The following NAALADL2 variants were observed in gnomAD, a reference collection of about 807,000 sequenced individuals.
NAALADL2 encodes N-acetylated alpha-linked acidic dipeptidase like 2, also known as inactive N-acetylated-alpha-linked acidic dipeptidase-like protein 2.
Under a neutral mutation model 87.2 loss-of-function variants are expected in NAALADL2, and 76 were observed. The observed-to-expected ratio is 0.87, with a 90% CI of 0.72 to 1.05. The LOEUF is 1.05. Among genes scored for constraint, NAALADL2 ranks in the 50% least tolerant of loss-of-function variants. The pLI, the probability that NAALADL2 is intolerant of heterozygous loss-of-function variation, is 0.00. For synonymous variants in NAALADL2, 354 were observed against 331.0 expected, an observed-to-expected ratio of 1.07 and a Z score of -0.75; for missense variants, 1,089 against 945.8, an observed-to-expected ratio of 1.15 and a Z score of -1.99.
intron 1 of NAALADL2, among the ~76,000 whole-genome samples, chr3:175,062,114 T>C (rs1713629156): frequency 6.6e-6 from 1 of 152,162 alleles, no homozygotes; most frequent in Admixed American, 6.5e-5. Context: ...GGTGTTAACT[T>C]TGAATGAAGA....
At chr3:175,498,206 C>A (rs918441054) in intron 9 of NAALADL2, among the ~76,000 whole-genome samples, 1 of 151,842 alleles carries the variant, frequency 6.6e-6, no homozygotes, top group East Asian at 1.9e-4. Flanking sequence ...TAGAAAATAG[C>A]CTCAAAAGGA....
intron 4 of NAALADL2, among the ~76,000 whole-genome samples, chr3:175,312,586 G>C (rs192187938): frequency 7.2e-4 from 110 of 152,184 alleles, no homozygotes; most frequent in African/African-American, 2.6e-3. Context: ...GTTTGTAAAG[G>C]ATGGACGTAT....
chr3:175,041,435 T>C (rs905481124), intron 1 of NAALADL2, among the ~76,000 whole-genome samples: 5 of 152,146 alleles, frequency 3.3e-5, no homozygotes, highest in African/African-American at 1.2e-4. Flanking sequence ...GGTTATAAAC[T>C]ATACAAAGCT....
intron 11 of NAALADL2, among the ~76,000 whole-genome samples, chr3:175,705,975 C>T (rs534807356): frequency 7.9e-5 from 12 of 152,184 alleles, no homozygotes; most frequent in East Asian, 5.8e-4. Context: ...ATGGCATTTT[C>T]GGCTTAATCA....
At chr3:174,808,137 C>T (rs1003261271) in intron 3 of NAALADL2, among the ~76,000 whole-genome samples, 1 of 152,010 alleles carries the variant, frequency 6.6e-6, no homozygotes, top group East Asian at 1.9e-4. Context: ...ACTATTAAAT[C>T]ACACACAAAT....
At chr3:174,863,992 T>C in intron 1 of NAALADL2, 1 of 450,676 alleles carries the variant, frequency 2.2e-6, no homozygotes, top group Non-Finnish European at 4.5e-6. Flanking sequence ...GAGTTGAAAT[T>C]TCCAGAATCT....
At chr3:175,540,515 T>C (rs1327596614) in intron 9 of NAALADL2, among the ~76,000 whole-genome samples, 1 of 152,130 alleles carries the variant, frequency 6.6e-6, no homozygotes, top group African/African-American at 2.4e-5. Context: ...TTGTAGGGTT[T>C]TTAACTGGTG....
intron 2 of NAALADL2, among the ~76,000 whole-genome samples, chr3:175,223,448 AC>A (rs1418044851): frequency 6.6e-6 from 1 of 151,662 alleles, no homozygotes; most frequent in Non-Finnish European, 1.5e-5. Context: ...CCATATTGTT[AC>A]AAATGGCAAG....
intron 3 of NAALADL2, among the ~76,000 whole-genome samples, chr3:174,845,935 G>T (rs1324697429): frequency 6.6e-6 from 1 of 152,178 alleles, no homozygotes. Context: ...GCACCTGTGG[G>T]TCTAGTTTCA....
At chr3:175,424,902 G>C (rs1185909835) in intron 5 of NAALADL2, among the ~76,000 whole-genome samples, 1 of 152,116 alleles carries the variant, frequency 6.6e-6, no homozygotes, top group Non-Finnish European at 1.5e-5. Flanking sequence ...ATTTTAAATA[G>C]ACACCTGAGG....
chr3:175,230,230 A>G (rs1424877210), intron 2 of NAALADL2, among the ~76,000 whole-genome samples: 1 of 152,080 alleles, frequency 6.6e-6, no homozygotes, highest in African/African-American at 2.4e-5. Flanking sequence ...AGGAAAAAAA[A>G]TGAGAATAAC....
At chr3:175,722,299 A>G (rs1742345279) in intron 11 of NAALADL2, among the ~76,000 whole-genome samples, 1 of 152,226 alleles carries the variant, frequency 6.6e-6, no homozygotes, top group African/African-American at 2.4e-5. Context: ...TATTTAAGTT[A>G]TATATTTCAC....
chr3:175,688,973 C>A (rs1736685418), intron 11 of NAALADL2, among the ~76,000 whole-genome samples: 1 of 152,148 alleles, frequency 6.6e-6, no homozygotes, highest in Non-Finnish European at 1.5e-5. Flanking sequence ...CAGTTTTCTC[C>A]CTGAGGCCTG....
intron 9 of NAALADL2, among the ~76,000 whole-genome samples, chr3:175,551,979 T>C (rs1714463355): frequency 6.6e-6 from 1 of 152,092 alleles, no homozygotes; most frequent in Non-Finnish European, 1.5e-5. Flanking sequence ...ATATTCTGTT[T>C]GTGATAAATG....
Position 175,784,186 on chromosome 3 carries a change from C to T in NAALADL2, c.2190-18819C>T, listed in dbSNP as rs371069769. ...TCTCTTTTTTGGTTGTGTCTCTGCCCGGCTTTGGTATCAGAATGATGCTGG... is the reference window on the plus strand; with the variant it reads ...TCTCTTTTTTGGTTGTGTCTCTGCCTGGCTTTGGTATCAGAATGATGCTGG... On this transcript the variant is annotated intron_variant, in intron 13 of 13. Coordinates refer to ENST00000454872, the MANE Select transcript of NAALADL2 (RefSeq NM_207015.3). 1.7e-3 allele frequency among the ~76,000 whole-genome samples: 252 copies of T among 147,958 alleles called. 1 individual carries two copies. Among genetic ancestry groups the T allele is most frequent in the South Asian group, 6.2e-3 (29 of 4,682 alleles).
intron 9 of NAALADL2, among the ~76,000 whole-genome samples, chr3:175,530,764 A>G (rs1733989316): frequency 1.3e-5 from 2 of 152,174 alleles, no homozygotes; most frequent in Non-Finnish European, 2.9e-5. Flanking sequence ...TCCATCACGT[A>G]TATACCACTT....
intron 1 of NAALADL2, among the ~76,000 whole-genome samples, chr3:174,987,746 C>G (rs550008095): frequency 6.9e-6 from 1 of 144,626 alleles, no homozygotes; most frequent in Admixed American, 6.8e-5. Context: ...CCTCCCTCAG[C>G]CTTCTGAGTA....
intron 9 of NAALADL2, among the ~76,000 whole-genome samples, chr3:175,542,357 A>ACC (rs750775590): frequency 1.3e-5 from 2 of 151,988 alleles, no homozygotes; most frequent in African/African-American, 2.4e-5. Flanking sequence ...TCTAAAGAAA[A>ACC]CCCCCAAATT....
chr3:175,061,728 A>AATATATATATATATATATATATATATAT (rs149495848), intron 1 of NAALADL2, among the ~76,000 whole-genome samples: 9 of 141,560 alleles, frequency 6.4e-5, no homozygotes, highest in Non-Finnish European at 9.2e-5. Context: ...CACTTGCACA[A>AATATATATATATATATATATATATATAT]ATATATATAT....
Sources: allele counts gnomAD v4.1 joint callset (sites outside exome capture counted in the v4.1 genomes callset), GRCh38; gene constraint gnomAD v4.1.1; transcripts MANE v1.5; gene names NCBI Gene and HGNC (gene_info 2026-07-23, HGNC 2026-07-21).